The following KITLG variants were observed in gnomAD, a reference collection of about 807,000 sequenced individuals.
The protein encoded by KITLG is c-Kit ligand.
KITLG carries 13 observed loss-of-function variants against 34.1 expected under a neutral mutation model. The ratio of observed to expected loss-of-function variants is 0.38; its 90% confidence interval spans 0.25 to 0.61. The LOEUF is 0.61. KITLG is among the 20% of genes least tolerant of loss of function. The probability of loss-of-function intolerance (pLI) is 0.60; values close to 1 mark genes in which losing one functional copy is unlikely to be tolerated. For missense variants in KITLG, 292 were observed against 318.9 expected (o/e 0.92, Z 0.64); for synonymous variants, 110 against 104.0 (o/e 1.06, Z -0.35).
At position 88,580,345 on chromosome 12, in the gene KITLG, C is replaced by T. The variant is rs558841614; in HGVS notation, c.-67G>A. ...GCGACTCCGTTTAGCTGTTCTGGAGCTCCAGCATATTGCACGAACAGCGGC... is the reference window on the plus strand; with the variant it reads ...GCGACTCCGTTTAGCTGTTCTGGAGTTCCAGCATATTGCACGAACAGCGGC... On this transcript the variant is annotated 5_prime_UTR_variant, in exon 1 of 10. Transcript: ENST00000644744. 2.5e-6 allele frequency: 4 copies of T among 1,588,950 alleles called. No individual in the cohort carries two copies. The African/African-American group carries it at 5.4e-5, about 21-fold the overall frequency.
At chr12:88,527,093 C>G (rs1869901431) in intron 3 of KITLG, among the ~76,000 whole-genome samples, 1 of 152,068 alleles carries the variant, frequency 6.6e-6, no homozygotes, top group Admixed American at 6.6e-5. Flanking sequence ...TGGTCTCGAT[C>G]TCCTGACCTC....
chr12:88,567,259 C>T (rs75689696), intron 1 of KITLG, among the ~76,000 whole-genome samples: 3,653 of 152,198 alleles, frequency 0.024, 150 homozygotes, highest in African/African-American at 0.084. Flanking sequence ...CCACATTTTC[C>T]GGCTTGGTAA....
intron 2 of KITLG, among the ~76,000 whole-genome samples, chr12:88,540,246 A>G (rs1251048133): frequency 6.6e-6 from 1 of 152,138 alleles, no homozygotes; most frequent in African/African-American, 2.4e-5. Flanking sequence ...TGAAACTTAC[A>G]TCTTAAACTA....
At chr12:88,509,335 A>T (rs1390089614) in intron 6 of KITLG, among the ~76,000 whole-genome samples, 7 of 152,156 alleles carry the variant, frequency 4.6e-5, no homozygotes, top group Admixed American at 3.3e-4. Flanking sequence ...GAAAGACCAG[A>T]CTCAAAAGCA....
chr12:88,553,000 G>A (rs1000788), intron 1 of KITLG, among the ~76,000 whole-genome samples: 101,984 of 152,138 alleles, frequency 0.67, 37,346 homozygotes, highest in Middle Eastern at 0.87. Flanking sequence ...GTGGTTTATG[G>A]GCTTTGCATC....
chr12:88,541,589 A>G (rs973847795), intron 2 of KITLG, among the ~76,000 whole-genome samples: 1 of 152,168 alleles, frequency 6.6e-6, no homozygotes, highest in Non-Finnish European at 1.5e-5. Context: ...TAACTATCCC[A>G]TAGATACAAG....
chr12:88,541,377 A>G (rs1684191130), intron 2 of KITLG, among the ~76,000 whole-genome samples: 1 of 152,170 alleles, frequency 6.6e-6, no homozygotes, highest in Non-Finnish European at 1.5e-5. Context: ...ACAAGTCATT[A>G]CCCAATAGAA....
chr12:88,504,902 T>C (rs1038574519), intron 9 of KITLG, among the ~76,000 whole-genome samples: 6 of 140,272 alleles, frequency 4.3e-5, no homozygotes, highest in African/African-American at 8.1e-5. Context: ...TTCTCACTCA[T>C]AGGTGGGAAT....
chr12:88,555,824 T>A (rs780689784), intron 1 of KITLG, among the ~76,000 whole-genome samples: 8 of 152,138 alleles, frequency 5.3e-5, no homozygotes, highest in Non-Finnish European at 8.8e-5. Flanking sequence ...TTAACAGACA[T>A]GTATGGAGTA....
chr12:88,551,982 G>T (rs1332959874), intron 1 of KITLG, among the ~76,000 whole-genome samples: 2 of 152,006 alleles, frequency 1.3e-5, no homozygotes. Context: ...ACCTGAAAAG[G>T]ACTCAACATG....
intron 2 of KITLG, among the ~76,000 whole-genome samples, chr12:88,543,981 A>G (rs1208863080): frequency 6.6e-6 from 1 of 152,124 alleles, no homozygotes; most frequent in Non-Finnish European, 1.5e-5. Context: ...CTAGAATCTG[A>G]GAACAATTTA....
rs72558019 is a variant in KITLG, at chr12:88,580,084, C to T, written c.15+180G>A. The stretch of plus-strand genomic sequence containing the variant: ...GCACTCCCACTCCTTTTCTCCCTGG[C>T]TCACCCGGCTCGGCTCGGGATCACA... On this transcript the variant is annotated intron_variant, in intron 1 of 9. Transcript: ENST00000644744. 6.4e-4 allele frequency: 427 copies of T among 670,062 alleles called. 5 individuals carry two copies. In the East Asian group the frequency reaches 0.01, roughly 16 times the overall value. The allele number at this position is 670,062 out of a possible 1,614,324, so 41.5% of individuals were successfully genotyped here. A position where few individuals can be genotyped will look rare whatever the true frequency, so the allele number is the denominator to read the frequency against.
At position 88,554,297 on chromosome 12, in the gene KITLG, T is replaced by TC. The variant is rs1205493019; in HGVS notation, c.16-8433dup. Among the ~76,000 whole-genome samples the TC allele has an allele frequency of 2.6e-5, 4 of 152,282 alleles. No individual in the cohort carries two copies. In the East Asian group the frequency reaches 7.7e-4, roughly 29 times the overall value. On this transcript the variant is annotated intron_variant, in intron 1 of 9. Transcript: ENST00000644744. Reference sequence around the variant, plus strand: ...AAAATACAGAAAAAAAGCCTTTTTTTCTCTATGAATATGAGAAGTGATTTT... The same window carrying TC: ...AAAATACAGAAAAAAAGCCTTTTTTTCCTCTATGAATATGAGAAGTGATTTT...
chr12:88,545,746 A>C lies in KITLG; in HGVS notation c.129+6T>G. ...TACACAGCACGGTAAAGCATTCCTT[A>C]CTTACCAATTTAGTGACGTCTTTTA... On this transcript the variant is annotated splice_donor_region_variant and intron_variant, in intron 2 of 9. Coordinates refer to ENST00000644744, the MANE Select transcript of KITLG (RefSeq NM_000899.5). 1 of 1,483,834 alleles carries C rather than the reference A, an allele frequency of 6.7e-7. No homozygotes were observed. The highest frequency in any genetic ancestry group is 9.4e-7 in the Non-Finnish European group (1 of 1,061,818). 91.9% of individuals were successfully genotyped at this position (1,483,834 alleles called of 1,614,324 possible). A position where few individuals can be genotyped will look rare whatever the true frequency, so the allele number is the denominator to read the frequency against.
chr12:88,568,485 C>A (rs931449779), intron 1 of KITLG, among the ~76,000 whole-genome samples: 8 of 151,956 alleles, frequency 5.3e-5, no homozygotes, highest in African/African-American at 1.2e-4. Context: ...TTCTTGTGTT[C>A]TTCCAACTAT....
intron 2 of KITLG, among the ~76,000 whole-genome samples, chr12:88,541,625 C>T (rs1870522293): frequency 6.6e-6 from 1 of 152,178 alleles, no homozygotes; most frequent in Non-Finnish European, 1.5e-5. Flanking sequence ...TCATCCTCTT[C>T]CCAGATACTT....
chr12:88,548,411 G>A (rs111809902), intron 1 of KITLG, among the ~76,000 whole-genome samples: 2,135 of 151,592 alleles, frequency 0.014, 56 homozygotes, highest in African/African-American at 0.049. Flanking sequence ...CCAAGATTGC[G>A]CCACTGCACT....
At position 88,532,509 on chromosome 12, in the gene KITLG, G is replaced by GA; in HGVS notation, c.130-7dup. 2 of 1,587,294 alleles carry GA rather than the reference G, an allele frequency of 1.3e-6. No homozygotes were observed. Among genetic ancestry groups the GA allele is most frequent in the Middle Eastern group, 1.7e-4 (1 of 5,848 alleles). On this transcript the variant is annotated splice_polypyrimidine_tract_variant and splice_region_variant and intron_variant, in intron 2 of 9. Transcript: ENST00000644744. ...TCTTTTGGAAGATTTGCCACCTACA[G>GA]AGACAAAAAAAAAAATTCCATAAGA...
At chr12:88,563,725 C>A (rs971888534) in intron 1 of KITLG, among the ~76,000 whole-genome samples, 6 of 152,182 alleles carry the variant, frequency 3.9e-5, no homozygotes, top group African/African-American at 1.4e-4. Flanking sequence ...ATTTGGGAGA[C>A]CAAGGTGGGC....
Sources: gnomAD v4.1 joint callset for allele counts (sites outside exome capture counted in the v4.1 genomes callset) on GRCh38, gnomAD v4.1.1 for gene constraint, MANE v1.5 for transcripts, NCBI Gene and HGNC (gene_info 2026-07-23, HGNC 2026-07-21) for gene names.